Variants in RORA observed in about 807,000 individuals in gnomAD.
The protein encoded by RORA is RAR related orphan receptor A, also known as nuclear receptor ROR-alpha.
Under a neutral mutation model 69.5 loss-of-function variants are expected in RORA, and 7 were observed. That is an observed-to-expected ratio of 0.10 (90% CI 0.06 to 0.19). The LOEUF is 0.19. Among genes scored for constraint, RORA ranks in the 10% least tolerant of loss-of-function variants. The pLI, the probability that RORA is intolerant of heterozygous loss-of-function variation, is 1.00. For missense variants in RORA, 457 were observed against 663.0 expected (o/e 0.69, Z 3.41); for synonymous variants, 261 against 240.8 (o/e 1.08, Z -0.78).
chr15:60,988,609 G>A (rs1894281336), intron 1 of RORA, among the ~76,000 whole-genome samples: 1 of 152,154 alleles, frequency 6.6e-6, no homozygotes, highest in Non-Finnish European at 1.5e-5. Flanking sequence ...TTAGAATTAC[G>A]ACTCGCTGCT....
chr15:61,082,749 C>T (rs987091384), intron 1 of RORA, among the ~76,000 whole-genome samples: 12 of 152,186 alleles, frequency 7.9e-5, no homozygotes, highest in South Asian at 6.2e-4. Context: ...TTTTTAGATG[C>T]TAAATCATGT....
intron 1 of RORA, among the ~76,000 whole-genome samples, chr15:60,715,310 C>G (rs983128471): frequency 6.6e-6 from 1 of 152,188 alleles, no homozygotes; most frequent in Non-Finnish European, 1.5e-5. Context: ...AAGTTCGAAA[C>G]CACTGAATAA....
chr15:61,215,420 C>A (rs960428801), intron 1 of RORA, among the ~76,000 whole-genome samples: 1 of 152,062 alleles, frequency 6.6e-6, no homozygotes, highest in African/African-American at 2.4e-5. Flanking sequence ...TGAGAAATAC[C>A]AGTTAATAGG....
intron 2 of RORA, among the ~76,000 whole-genome samples, chr15:60,662,735 G>A (rs551790547): frequency 1.2e-4 from 19 of 152,110 alleles, no homozygotes; most frequent in African/African-American, 4.1e-4. Context: ...TCCTAGCTAA[G>A]CAATAAAATA....
rs543193203 is a variant in RORA at position 61,079,188 on chromosome 15, C to T, written c.166+149865G>A. ...CGACTATTACAAGACCATCCTCTTG[C>T]ATATCTTATCTTTGTGAGCATCAGA... is the stretch of plus-strand genomic sequence containing the variant. On this transcript the variant is annotated intron_variant, in intron 1 of 10. Coordinates refer to ENST00000335670, the MANE Select transcript of RORA (RefSeq NM_134261.3). Among the ~76,000 whole-genome samples the T allele has an allele frequency of 5.9e-5, 9 of 152,260 alleles. No homozygotes were observed. In the South Asian group the frequency reaches 1.9e-3, roughly 32 times the overall value.
intron 1 of RORA, among the ~76,000 whole-genome samples, chr15:61,180,766 C>T (rs1279844931): frequency 6.6e-6 from 1 of 152,142 alleles, no homozygotes; most frequent in Non-Finnish European, 1.5e-5. Flanking sequence ...AGTTCCAGCA[C>T]CTAGCACACT....
At chr15:60,497,748 G>T in intron 10 of RORA, 129 bp from the exon 11 acceptor site, 3 of 743,150 alleles carry the variant, frequency 4.0e-6, no homozygotes, top group Non-Finnish European at 4.5e-6. Flanking sequence ...TAAACATCCA[G>T]TAGCAGAGGA....
chr15:61,162,951 G>A (rs903041521), intron 1 of RORA, among the ~76,000 whole-genome samples: 9 of 152,160 alleles, frequency 5.9e-5, no homozygotes, highest in Admixed American at 2.6e-4. Flanking sequence ...CCACCTATGC[G>A]TCACTCACCG....
At chr15:61,139,387 A>G (rs2079276512) in intron 1 of RORA, among the ~76,000 whole-genome samples, 2 of 152,234 alleles carry the variant, frequency 1.3e-5, no homozygotes, top group African/African-American at 2.4e-5. Flanking sequence ...ATTTTGCCCC[A>G]AAAGACCCAA....
intron 1 of RORA, among the ~76,000 whole-genome samples, chr15:60,790,364 A>G (rs555689543): frequency 6.6e-6 from 1 of 152,198 alleles, no homozygotes; most frequent in Non-Finnish European, 1.5e-5. Flanking sequence ...CTCAACTACA[A>G]ATGTTGATGT....
At chr15:60,747,795 T>C (rs998301266) in intron 1 of RORA, among the ~76,000 whole-genome samples, 1 of 152,192 alleles carries the variant, frequency 6.6e-6, no homozygotes, top group Non-Finnish European at 1.5e-5. Flanking sequence ...ACAAATCTAG[T>C]AGGTAGAACC....
At chr15:60,634,033 GAATTA>G (rs982963950) in intron 2 of RORA, among the ~76,000 whole-genome samples, 39 of 152,210 alleles carry the variant, frequency 2.6e-4, no homozygotes, top group African/African-American at 8.7e-4. Flanking sequence ...TTGAAGCAAA[GAATTA>G]AATATACATG....
At chr15:60,985,582 C>CTTTTTTTTTTTTTTTTTTTT (rs11451387) in intron 1 of RORA, among the ~76,000 whole-genome samples, 1 of 100,864 alleles carries the variant, frequency 9.9e-6, no homozygotes, top group Non-Finnish European at 1.8e-5. Flanking sequence ...AACTCATCCT[C>CTTTTTTTTTTTTTTTTTTTT]TTTTTTTTTT....
intron 2 of RORA, among the ~76,000 whole-genome samples, chr15:60,594,970 C>A (rs376757434): frequency 6.6e-6 from 1 of 151,984 alleles, no homozygotes; most frequent in Admixed American, 6.6e-5. Context: ...AGCTTTTAAC[C>A]CAGGTTATAT....
chr15:60,542,642 C>CAT (rs2066923382), intron 2 of RORA, among the ~76,000 whole-genome samples: 1 of 117,336 alleles, frequency 8.5e-6, no homozygotes, highest in South Asian at 2.5e-4. Flanking sequence ...ACCTCACACA[C>CAT]GACACACGGG....
chr15:61,009,364 T>G (rs1895020626), intron 1 of RORA, among the ~76,000 whole-genome samples: 1 of 152,200 alleles, frequency 6.6e-6, no homozygotes, highest in Non-Finnish European at 1.5e-5. Context: ...TTCACTCTAA[T>G]GAAAGAAACT....
intron 1 of RORA, among the ~76,000 whole-genome samples, chr15:60,749,369 T>G (rs2071690796): frequency 6.6e-6 from 1 of 152,234 alleles, no homozygotes; most frequent in Non-Finnish European, 1.5e-5. Flanking sequence ...TAAGCAGGGA[T>G]GAAATGTAAA....
intron 2 of RORA, among the ~76,000 whole-genome samples, chr15:60,576,881 C>T (rs1238655020): frequency 6.6e-6 from 1 of 152,134 alleles, no homozygotes; most frequent in Non-Finnish European, 1.5e-5. Flanking sequence ...GGAAGTGGTA[C>T]TAATTGTATA....
At chr15:61,052,379 C>T (rs28414873) in intron 1 of RORA, among the ~76,000 whole-genome samples, 2,287 of 152,300 alleles carry the variant, frequency 0.015, 52 homozygotes, top group African/African-American at 0.051. Flanking sequence ...AAGCCTCATA[C>T]GTAATGCTTT....
Sources: gnomAD v4.1 joint callset for allele counts (sites outside exome capture counted in the v4.1 genomes callset) on GRCh38, gnomAD v4.1.1 for gene constraint, MANE v1.5 for transcripts, NCBI Gene and HGNC (gene_info 2026-07-23, HGNC 2026-07-21) for gene names.